FKBP5: variants seen among roughly 807,000 people sequenced by gnomAD.
FKBP5 encodes peptidyl-prolyl cis-trans isomerase FKBP5.
FKBP5 carries 23 observed loss-of-function variants against 50.5 expected under a neutral mutation model. The ratio of observed to expected loss-of-function variants is 0.46; its 90% CI spans 0.33 to 0.65. FKBP5 has a LOEUF of 0.65. Among genes scored for constraint, FKBP5 ranks in the 30% least tolerant of loss-of-function variants. The probability of loss-of-function intolerance (pLI) is 0.02; values close to 1 mark genes in which losing one functional copy is unlikely to be tolerated. For synonymous variants in FKBP5, 176 were observed against 190.6 expected, an observed-to-expected ratio of 0.92 and a Z score of 0.63; for missense variants, 411 against 553.1, an observed-to-expected ratio of 0.74 and a Z score of 2.58.
rs562640805 is a variant in FKBP5, at chr6:35,640,362, A to G, written c.105+2358T>C. ...TGTGTATCTAAGCATATCTCAACAT[A>G]GAAAAAGGTACAGTAATAAAAGGTA... On this transcript the variant is annotated intron_variant, in intron 2 of 10. Transcript: ENST00000357266. 2.7e-3 allele frequency among the ~76,000 whole-genome samples: 416 copies of G among 152,336 alleles called. 1 individual carries two copies. The highest frequency in any genetic ancestry group is 9.3e-3 in the African/African-American group (387 of 41,572).
chr6:35,586,021 C>G, intron 8 of FKBP5: 2 of 985,296 alleles, frequency 2.0e-6, no homozygotes, highest in Non-Finnish European at 2.4e-6. Flanking sequence ...ACACTTATGC[C>G]TCACTGCTTT....
At chr6:35,649,246 G>A (rs1271180453) in intron 1 of FKBP5, among the ~76,000 whole-genome samples, 1 of 97,078 alleles carries the variant, frequency 1.0e-5, no homozygotes, top group African/African-American at 3.5e-5. Context: ...GCAAGACTCT[G>A]TCTAAAAAAA....
chr6:35,587,096 C>A lies in FKBP5; in HGVS notation c.778G>T (p.Asp260Tyr). ...FEKAKESWEMDTKEKLEQAAI... is the reference protein window; with the variant it reads ...FEKAKESWEMYTKEKLEQAAI... ...GCCTGCTCCAATTTTTCTTTGGTAT[C>A]CATCTCCCAGGATTCTTTGGCCTGT... is the stretch of plus-strand genomic sequence containing the variant. The change falls in exon 8 of 11, where the codon GAT (aspartate) becomes TAT (tyrosine). Residue 260 changes from aspartate to tyrosine, a missense_variant. Asp to Tyr is a radical substitution (Grantham distance 160). This residue lies in a region of FKBP5 where 267 missense variants were observed against 405.9 expected (regional missense o/e 0.66). Coordinates refer to ENST00000357266, the MANE Select transcript of FKBP5 (RefSeq NM_004117.4). 9 of 1,614,018 alleles carry A rather than the reference C, an allele frequency of 5.6e-6. No homozygotes were observed. The highest frequency in any genetic ancestry group is 7.6e-6 in the Non-Finnish European group (9 of 1,179,948).
intron 5 of FKBP5, among the ~76,000 whole-genome samples, chr6:35,615,906 G>A (rs1763638249): frequency 6.6e-6 from 1 of 152,214 alleles, no homozygotes; most frequent in Admixed American, 6.5e-5. Context: ...TCTTGATAAT[G>A]ATGAAAGGCA....
chr6:35,614,305 T>A (rs1449282417), intron 5 of FKBP5, among the ~76,000 whole-genome samples: 3 of 151,906 alleles, frequency 2.0e-5, no homozygotes, highest in Non-Finnish European at 4.4e-5. Context: ...AGGGTGGAAA[T>A]AATGGGGAAG....
intron 2 of FKBP5, among the ~76,000 whole-genome samples, chr6:35,719,531 C>T (rs1030132325): frequency 6.6e-6 from 1 of 152,178 alleles, no homozygotes; most frequent in African/African-American, 2.4e-5. Flanking sequence ...CAGAAAAATA[C>T]ACGGAACGGA....
Position 35,597,300 on chromosome 6 carries a change from C to A in FKBP5, c.613G>T (p.Ala205Ser). 6.2e-7 allele frequency: 1 copy of A among 1,614,160 alleles called. No individual in the cohort carries two copies. The highest frequency in any genetic ancestry group is 8.5e-7 in the Non-Finnish European group (1 of 1,180,026). The stretch of plus-strand genomic sequence containing the variant: ...TCTTCCCGCTGCATTTTCTCCAGAG[C>A]TTTGTCAATTCCAATTGGAATGTCG... ...DHDIPIGIDK[A>S]LEKMQREEQC... is the part of the protein sequence containing the mutation. Residue 205 changes from alanine (A) to serine (S), a missense_variant, in exon 6 of 11, where the codon GCT becomes TCT. Coordinates refer to ENST00000357266, the MANE Select transcript of FKBP5 (RefSeq NM_004117.4).
At chr6:35,630,544 CA>C (rs1040902188) in intron 3 of FKBP5, among the ~76,000 whole-genome samples, 1 of 150,354 alleles carries the variant, frequency 6.7e-6, no homozygotes, top group Non-Finnish European at 1.5e-5. Context: ...GACTCCGTCT[CA>C]AAAAAAAAGA....
chr6:35,616,003 G>A (rs751258032), intron 5 of FKBP5, among the ~76,000 whole-genome samples: 8 of 152,064 alleles, frequency 5.3e-5, no homozygotes, highest in African/African-American at 9.7e-5. Context: ...TCTACAAAAC[G>A]GTCAGTTGTA....
At chr6:35,583,763 T>A in intron 8 of FKBP5, 6 of 985,160 alleles carry the variant, frequency 6.1e-6, no homozygotes, top group Non-Finnish European at 7.2e-6. Flanking sequence ...GGTTGAAAAA[T>A]TCTGCACTAA....
chr6:35,703,114 A>T (rs999198759), intron 2 of FKBP5, among the ~76,000 whole-genome samples: 1 of 151,966 alleles, frequency 6.6e-6, no homozygotes, highest in African/African-American at 2.4e-5. Flanking sequence ...GCTGGGTGTG[A>T]TGGCAGGCAC....
At position 35,574,518 on chromosome 6, in the gene FKBP5, G is replaced by A. The variant is rs1464439353; in HGVS notation, c.*1317C>T. ...ATTTAAGACTTGCCCTAGTTCAATG[G>A]TCAGCTCAAGTACTGGAGATTTAGG... On this transcript the variant is annotated 3_prime_UTR_variant, in exon 11 of 11. Transcript: ENST00000357266. 1 of 152,188 alleles carries A rather than the reference G, an allele frequency of 6.6e-6. No individual in the cohort carries two copies. Among genetic ancestry groups the A allele is most frequent in the Non-Finnish European group, 1.5e-5 (1 of 68,038 alleles). 9.4% of individuals were successfully genotyped at this position (152,188 alleles called of 1,614,324 possible).
chr6:35,643,236 A>G (rs2150989666), intron 1 of FKBP5, among the ~76,000 whole-genome samples: 1 of 152,302 alleles, frequency 6.6e-6, no homozygotes, highest in South Asian at 2.1e-4. Context: ...CAATATATCA[A>G]TCACAGTGAG....
intron 3 of FKBP5, among the ~76,000 whole-genome samples, chr6:35,634,607 A>T (rs532016656): frequency 6.6e-6 from 1 of 152,276 alleles, no homozygotes; most frequent in South Asian, 2.1e-4. Flanking sequence ...TCTGCTTACT[A>T]TATTTCCTTT....
chr6:35,711,825 AGTGT>A (rs1293826539), intron 2 of FKBP5, among the ~76,000 whole-genome samples: 2 of 152,030 alleles, frequency 1.3e-5, no homozygotes. Context: ...TAAAACACAC[AGTGT>A]GTGTGTGTAC....
At chr6:35,668,278 C>T (rs376375935) in intron 1 of FKBP5, among the ~76,000 whole-genome samples, 1 of 152,266 alleles carries the variant, frequency 6.6e-6, no homozygotes, top group Non-Finnish European at 1.5e-5. Flanking sequence ...AACAGCATCC[C>T]GGGACTTTCC....
chr6:35,574,427 T>C lies in FKBP5; in HGVS notation c.*1408A>G, dbSNP rs1231376696. 1.3e-5 allele frequency: 2 copies of C among 152,218 alleles called. No individual in the cohort carries two copies. Among genetic ancestry groups the C allele is most frequent in the Non-Finnish European group, 2.9e-5 (2 of 68,044 alleles). 9.4% of individuals were successfully genotyped at this position (152,218 alleles called of 1,614,324 possible). ...GCATTCCCATGAGTGTTTCTTAGGC[T>C]GAGGGAATAGAGAGCCATGCTCAAT... On this transcript the variant is annotated 3_prime_UTR_variant, in exon 11 of 11. Transcript: ENST00000357266.
intron 2 of FKBP5, among the ~76,000 whole-genome samples, chr6:35,710,332 A>G (rs527334519): frequency 3.9e-5 from 6 of 151,990 alleles, no homozygotes; most frequent in African/African-American, 1.4e-4. Context: ...AAAACAATTA[A>G]CTGGGCATGG....
At chr6:35,619,377 A>C (rs938691347) in intron 4 of FKBP5, among the ~76,000 whole-genome samples, 167 bp from the exon 5 acceptor site, 6 of 151,824 alleles carry the variant, frequency 4.0e-5, no homozygotes, top group African/African-American at 9.7e-5. Context: ...AAAAAAAAAA[A>C]CCCACTATAC....
Sources: gnomAD v4.1 joint callset for allele counts (sites outside exome capture counted in the v4.1 genomes callset) on GRCh38, gnomAD v4.1.1 for gene constraint, gnomAD v4.1.1 regional missense constraint, MANE v1.5 for transcripts, NCBI Gene and HGNC (gene_info 2026-07-23, HGNC 2026-07-21) for gene names.